CEPT1: variants seen among roughly 807,000 people sequenced by gnomAD.
CEPT1 encodes the protein choline/ethanolaminephosphotransferase 1.
Under a neutral mutation model 42.6 loss-of-function variants are expected in CEPT1, and 7 were observed. That is an observed-to-expected ratio of 0.16 (90% CI 0.09 to 0.31). The LOEUF (loss-of-function observed/expected upper bound fraction) is 0.31. CEPT1 is among the 10% of genes least tolerant of loss of function. CEPT1 has a pLI of 1.00. For missense variants in CEPT1, 306 were observed against 502.1 expected (o/e 0.61, Z 3.73); for synonymous variants, 171 against 171.9 (o/e 0.99, Z 0.04).
rs747355421 is a variant in CEPT1, at chr1:111,182,253, T to G, written c.781T>G (p.Ser261Ala). The G allele has an allele frequency of 6.2e-6, 10 of 1,613,166 alleles. No homozygotes were observed. Among genetic ancestry groups the G allele is most frequent in the Non-Finnish European group, 8.5e-6 (10 of 1,179,390 alleles). ...TTGTACTGTAGCAGGGACCATATTT[T>G]CCTGTACAAATTACTTCCGTGTAAT... ...ALCTVAGTIF[S>A]CTNYFRVIFT... Residue 261 changes from serine (S) to alanine (A), a missense_variant, in exon 6 of 9, where the codon TCC becomes GCC. By Grantham distance (99) the Ser-to-Ala change is moderately conservative. Transcript: ENST00000357172.
chr1:111,145,293 C>A (rs770357413), intron 1 of CEPT1, among the ~76,000 whole-genome samples: 1 of 152,194 alleles, frequency 6.6e-6, no homozygotes, highest in Non-Finnish European at 1.5e-5. Flanking sequence ...CGTGAGCCAC[C>A]GCGCCTGGCG....
chr1:111,147,985 A>G lies in CEPT1; in HGVS notation c.271A>G (p.Ile91Val), dbSNP rs755734055. 1.9e-6 allele frequency: 3 copies of G among 1,614,170 alleles called. No homozygotes were observed. The East Asian group carries it at 6.7e-5, about 36-fold the overall frequency. Residue 91 changes from isoleucine (I) to valine (V), a missense_variant, in exon 2 of 9, where the codon ATT becomes GTT. Transcript: ENST00000357172. ...SWIAPNLITI[I>V]GLSINICTTI... ...GATTGCCCCAAATCTCATCACCATCATTGGACTGTCAATAAACATCTGTAC... is the reference window on the plus strand; with the variant it reads ...GATTGCCCCAAATCTCATCACCATCGTTGGACTGTCAATAAACATCTGTAC...
chr1:111,154,222 T>G lies in CEPT1; in HGVS notation c.340-5158T>G, dbSNP rs1655440430. Among the ~76,000 whole-genome samples, 4 of 148,698 alleles carry G rather than the reference T, an allele frequency of 2.7e-5. No homozygotes were observed. In the South Asian group the frequency reaches 8.4e-4, roughly 31 times the overall value. Reference sequence around the variant, plus strand: ...TTATTTTATTTTATTTTATTTTATTTTATTTTATTTTATTTTATTTTATTT... The same window carrying G: ...TTATTTTATTTTATTTTATTTTATTGTATTTTATTTTATTTTATTTTATTT... On this transcript the variant is annotated intron_variant, in intron 2 of 8. Transcript: ENST00000357172.
rs367885039 is a variant in CEPT1 at position 111,147,769 on chromosome 1, C to G, written c.55C>G (p.Pro19Ala). Residue 19 changes from proline to alanine, a missense_variant, in exon 2 of 9, where the codon CCA (proline) becomes GCA (alanine). This residue lies in a region of CEPT1 where 53 missense variants were observed against 54.8 expected (regional missense o/e 0.97). Coordinates refer to ENST00000357172, the MANE Select transcript of CEPT1 (RefSeq NM_006090.5). ...ATGTGGAGATTCTCACCCGGAGTCC[C>G]CAGTGGGCTTCGGGCATATGAGTAC... ...KRCGDSHPES[P>A]VGFGHMSTTG... 3.1e-6 allele frequency: 5 copies of G among 1,613,900 alleles called. No homozygotes were observed. The highest frequency in any genetic ancestry group is 1.3e-5 in the African/African-American group (1 of 74,902).
At chr1:111,175,603 C>A in intron 5 of CEPT1, among the ~76,000 whole-genome samples, 1 of 152,280 alleles carries the variant, frequency 6.6e-6, no homozygotes, top group South Asian at 2.1e-4. Flanking sequence ...TAATCTGTTG[C>A]GTAACTCTCT....
chr1:111,179,942 C>T (rs1351294557), intron 5 of CEPT1: 1 of 152,142 alleles, frequency 6.6e-6, no homozygotes, highest in Admixed American at 6.5e-5. Context: ...TGATGAAAAC[C>T]TTAAGAATCT....
chr1:111,179,863 C>G (rs555117141), intron 5 of CEPT1: 1 of 152,268 alleles, frequency 6.6e-6, no homozygotes, highest in Admixed American at 6.5e-5. Flanking sequence ...TGTACAAAAT[C>G]AATTCAAACA....
At chr1:111,148,386 A>C (rs1435667265) in intron 2 of CEPT1, among the ~76,000 whole-genome samples, 1 of 152,160 alleles carries the variant, frequency 6.6e-6, no homozygotes, top group Admixed American at 6.5e-5. Flanking sequence ...AAAAAAAAAA[A>C]AAACAGTGAG....
At chr1:111,145,046 C>A (rs992001596) in intron 1 of CEPT1, among the ~76,000 whole-genome samples, 1 of 151,284 alleles carries the variant, frequency 6.6e-6, no homozygotes, top group South Asian at 2.1e-4. Context: ...GACAGAGTCT[C>A]GCTTTGTCAC....
intron 4 of CEPT1, among the ~76,000 whole-genome samples, chr1:111,163,913 C>T (rs1337178011): frequency 6.6e-6 from 1 of 151,872 alleles, no homozygotes; most frequent in Non-Finnish European, 1.5e-5. Flanking sequence ...GATTTAAGTA[C>T]CTTAGGAATC....
chr1:111,155,992 C>T (rs325926), intron 2 of CEPT1, among the ~76,000 whole-genome samples: 106,475 of 152,060 alleles, frequency 0.7, 37,819 homozygotes, highest in African/African-American at 0.82. Context: ...TGCATTATTA[C>T]GTTGTTTATT....
chr1:111,167,895 T>A, intron 4 of CEPT1: 1 of 574,874 alleles, frequency 1.7e-6, no homozygotes, highest in Non-Finnish European at 2.2e-6. Context: ...CTTTTTCCTT[T>A]TTTTTTTTTT....
chr1:111,151,383 GA>G (rs1398607206), intron 2 of CEPT1, among the ~76,000 whole-genome samples: 1 of 152,124 alleles, frequency 6.6e-6, no homozygotes. Context: ...TGGCCTCCCA[GA>G]GTGCTGGGAT....
At chr1:111,149,760 C>A (rs1228365611) in intron 2 of CEPT1, among the ~76,000 whole-genome samples, 1 of 152,158 alleles carries the variant, frequency 6.6e-6, no homozygotes, top group East Asian at 1.9e-4. Context: ...TATAGTAGAA[C>A]AACAGGGAGG....
intron 5 of CEPT1, chr1:111,180,342 C>G (rs1258405093): frequency 6.6e-6 from 1 of 152,114 alleles, no homozygotes; most frequent in Non-Finnish European, 1.5e-5. Context: ...AAACTAGCCA[C>G]AGTATTGAGT....
intron 1 of CEPT1, 29 bp downstream of exon 1, chr1:111,140,336 G>A (rs1654368042): frequency 6.5e-6 from 1 of 153,460 alleles, no homozygotes; most frequent in Non-Finnish European, 1.4e-5. Context: ...GTCACCGGAC[G>A]TGAAGGATTT....
At chr1:111,142,472 T>C (rs1256839434) in intron 1 of CEPT1, among the ~76,000 whole-genome samples, 1 of 152,160 alleles carries the variant, frequency 6.6e-6, no homozygotes, top group Non-Finnish European at 1.5e-5. Context: ...AGACGAATAA[T>C]ATTTGTTAAT....
At chr1:111,167,443 G>T in intron 4 of CEPT1, 2 of 882,674 alleles carry the variant, frequency 2.3e-6, no homozygotes, top group African/African-American at 3.6e-5. Flanking sequence ...TTTGCCTATT[G>T]TGCCTATTAT....
intron 4 of CEPT1, among the ~76,000 whole-genome samples, chr1:111,162,461 C>T (rs891531482): frequency 2.0e-5 from 3 of 152,140 alleles, no homozygotes; most frequent in African/African-American, 7.2e-5. Context: ...AGTTCCCTTC[C>T]TTGGGTGGCT....
Sources: allele counts gnomAD v4.1 joint callset (sites outside exome capture counted in the v4.1 genomes callset), GRCh38; gene constraint gnomAD v4.1.1; regional missense constraint gnomAD v4.1.1; transcripts MANE v1.5; gene names NCBI Gene and HGNC (gene_info 2026-07-23, HGNC 2026-07-21).